Variants in THSD7B observed in about 807,000 individuals in gnomAD.
THSD7B encodes thrombospondin type 1 domain containing 7B, also known as thrombospondin type-1 domain-containing protein 7B.
Under a neutral mutation model 213.6 loss-of-function variants are expected in THSD7B, and 138 were observed. That is an observed-to-expected ratio of 0.65 (90% CI 0.56 to 0.74). The LOEUF (loss-of-function observed/expected upper bound fraction) is 0.74, where lower values mean the gene tolerates loss of function less well. Among genes scored for constraint, THSD7B ranks in the 30% least tolerant of loss-of-function variants. The probability of loss-of-function intolerance (pLI) is 0.00; values close to 1 mark genes in which losing one functional copy is unlikely to be tolerated. For synonymous variants in THSD7B, 742 were observed against 687.0 expected (o/e 1.08, Z -1.25); for missense variants, 1,931 against 1,991.5 (o/e 0.97, Z 0.58).
intron 2 of THSD7B, among the ~76,000 whole-genome samples, chr2:136,991,887 A>G (rs1685791756): frequency 1.3e-5 from 2 of 152,186 alleles, no homozygotes; most frequent in African/African-American, 2.4e-5. Context: ...CCAAACTGCA[A>G]CTATTTGGTT....
rs751316202 is a variant in THSD7B at position 137,616,282 on chromosome 2, T to C, written c.3531T>C (p.Asn1177=). ...EDSQVQPCLL[N]ENCFQFQYNL... is the part of the protein sequence containing the mutation. The stretch of plus-strand genomic sequence containing the variant: ...CACAGGTGCAGCCTTGCCTCCTGAA[T>C]GAAAATTGCTTCCAGTTCCAGTACA... The change falls in exon 18 of 28, where the codon AAT becomes AAC. Residue 1177 remains asparagine, a synonymous_variant. Transcript: ENST00000409968. 1 of 1,613,682 alleles carries C rather than the reference T, an allele frequency of 6.2e-7. No homozygotes were observed. Among genetic ancestry groups the C allele is most frequent in the African/African-American group, 1.3e-5 (1 of 74,912 alleles).
chr2:137,225,377 A>T (rs1189053314), intron 7 of THSD7B, among the ~76,000 whole-genome samples: 1 of 152,262 alleles, frequency 6.6e-6, no homozygotes, highest in African/African-American at 2.4e-5. Context: ...TGATGAGCTG[A>T]CAATGAATTG....
chr2:137,187,620 C>A (rs1370661712), intron 7 of THSD7B, among the ~76,000 whole-genome samples: 1 of 152,048 alleles, frequency 6.6e-6, no homozygotes, highest in Non-Finnish European at 1.5e-5. Context: ...ATTTGGGAAG[C>A]CTGAAATGAA....
intron 4 of THSD7B, among the ~76,000 whole-genome samples, chr2:137,096,492 A>T (rs539408635): frequency 6.6e-6 from 1 of 152,206 alleles, no homozygotes; most frequent in South Asian, 2.1e-4. Flanking sequence ...ACAGTTCCTT[A>T]TATTCTTATT....
chr2:136,974,446 G>A (rs116719989), intron 2 of THSD7B, among the ~76,000 whole-genome samples: 1,817 of 152,106 alleles, frequency 0.012, 36 homozygotes, highest in African/African-American at 0.042. Flanking sequence ...GGGAAAATGT[G>A]GGATTTGGTT....
intron 21 of THSD7B, among the ~76,000 whole-genome samples, chr2:137,655,118 C>T (rs1160429177): frequency 6.6e-6 from 1 of 152,076 alleles, no homozygotes; most frequent in African/African-American, 2.4e-5. Context: ...AAAAGAAAAA[C>T]AGGTAAAATA....
chr2:137,148,820 T>A (rs1271574559), intron 5 of THSD7B, among the ~76,000 whole-genome samples: 1 of 152,194 alleles, frequency 6.6e-6, no homozygotes, highest in Non-Finnish European at 1.5e-5. Context: ...CATAAAAGTT[T>A]GGAAAACTTG....
At chr2:137,264,819 T>A (rs901524307) in intron 10 of THSD7B, among the ~76,000 whole-genome samples, 6 of 151,556 alleles carry the variant, frequency 4.0e-5, no homozygotes, top group African/African-American at 1.5e-4. Context: ...TTTAAATTTT[T>A]TTTATTTTTT....
intron 12 of THSD7B, among the ~76,000 whole-genome samples, chr2:137,327,579 C>T (rs1016820782): frequency 6.6e-6 from 1 of 151,984 alleles, no homozygotes; most frequent in Non-Finnish European, 1.5e-5. Flanking sequence ...TTTGTACTCC[C>T]CATCTTGCTT....
At chr2:137,401,358 G>A (rs1574008308) in intron 12 of THSD7B, among the ~76,000 whole-genome samples, 1 of 152,068 alleles carries the variant, frequency 6.6e-6, no homozygotes, top group Admixed American at 6.5e-5. Flanking sequence ...CAGTCCTGCA[G>A]CCTGCCTACT....
chr2:137,491,262 C>T (rs182064367), intron 15 of THSD7B, among the ~76,000 whole-genome samples: 75 of 152,188 alleles, frequency 4.9e-4, no homozygotes, highest in African/African-American at 1.8e-3. Flanking sequence ...TTCCCCTTAG[C>T]TAGATTTGAA....
intron 26 of THSD7B, among the ~76,000 whole-genome samples, chr2:137,663,863 T>G (rs977022419): frequency 2.6e-5 from 4 of 152,216 alleles, no homozygotes; most frequent in Non-Finnish European, 5.9e-5. Context: ...TCTTTTTTCT[T>G]GGGTCGGGGA....
At chr2:137,090,835 A>G (rs1385111271) in intron 3 of THSD7B, among the ~76,000 whole-genome samples, 1 of 152,210 alleles carries the variant, frequency 6.6e-6, no homozygotes, top group Non-Finnish European at 1.5e-5. Context: ...TGAGTAAATC[A>G]CATTTTACTA....
chr2:137,029,218 A>G (rs753935544), intron 2 of THSD7B, among the ~76,000 whole-genome samples: 115 of 151,758 alleles, frequency 7.6e-4, no homozygotes, highest in Admixed American at 2.5e-3. Flanking sequence ...AGCTGGGACT[A>G]CAGGCACCTG....
At chr2:137,410,070 G>C (rs1686618019) in intron 13 of THSD7B, among the ~76,000 whole-genome samples, 1 of 152,090 alleles carries the variant, frequency 6.6e-6, no homozygotes, top group South Asian at 2.1e-4. Context: ...GGGAGGTCTT[G>C]AACCTGCTAA....
chr2:137,379,010 A>G lies in THSD7B; in HGVS notation c.2501-26603A>G, dbSNP rs537665759. On this transcript the variant is annotated intron_variant, in intron 12 of 27. Transcript: ENST00000409968. ...TCAGTCTTTATAAGTGATATGTTGA[A>G]GCCAAGAGCCCTATCTGTGTAACTT... is the stretch of plus-strand genomic sequence containing the variant. 3.6e-4 allele frequency among the ~76,000 whole-genome samples: 55 copies of G among 152,264 alleles called. No individual in the cohort carries two copies. In the South Asian group the frequency reaches 4.6e-3, roughly 13 times the overall value.
At chr2:137,181,754 A>T (rs1013572268) in intron 7 of THSD7B, among the ~76,000 whole-genome samples, 7 of 152,112 alleles carry the variant, frequency 4.6e-5, no homozygotes, top group Non-Finnish European at 8.8e-5. Context: ...ATGGATTGAC[A>T]GTCATGTCCC....
At position 137,074,064 on chromosome 2, in the gene THSD7B, G is replaced by C. The variant is rs1687562610; in HGVS notation, c.950+16834G>C. Among the ~76,000 whole-genome samples, 2 of 151,866 alleles carry C rather than the reference G, an allele frequency of 1.3e-5. 1 individual carries two copies. Among genetic ancestry groups the C allele is most frequent in the South Asian group, 4.1e-4 (2 of 4,828 alleles). On this transcript the variant is annotated intron_variant, in intron 3 of 27. Coordinates refer to ENST00000409968, the MANE Select transcript of THSD7B (RefSeq NM_001316349.2). ...TGCTGAAAAGAATGTACATTCTGTT[G>C]ATTTGGGGTGGAGAGTTTTGTAAAT...
At chr2:137,360,564 C>A (rs953479735) in intron 12 of THSD7B, among the ~76,000 whole-genome samples, 1 of 152,176 alleles carries the variant, frequency 6.6e-6, no homozygotes, top group African/African-American at 2.4e-5. Context: ...GAGATTATAT[C>A]CCTTGCCTGG....
Sources: gnomAD v4.1 joint callset for allele counts (sites outside exome capture counted in the v4.1 genomes callset) on GRCh38, gnomAD v4.1.1 for gene constraint, MANE v1.5 for transcripts, NCBI Gene and HGNC (gene_info 2026-07-23, HGNC 2026-07-21) for gene names.